Variants in PRIM2 observed in about 807,000 individuals in gnomAD.
PRIM2 encodes DNA primase large subunit.
A neutral mutation model predicts 67.3 loss-of-function variants in PRIM2; 39 were observed. The observed-to-expected ratio is 0.58, with a 90% CI of 0.45 to 0.76. PRIM2 has a LOEUF of 0.76. Ranked by LOEUF, PRIM2 falls within the 30% of genes least tolerant of loss-of-function variation. The pLI, the probability that PRIM2 is intolerant of heterozygous loss-of-function variation, is 0.00. For synonymous variants in PRIM2, 143 were observed against 198.7 expected, an observed-to-expected ratio of 0.72 and a Z score of 2.36; for missense variants, 398 against 598.7, an observed-to-expected ratio of 0.66 and a Z score of 3.50.
chr6:57,364,908 C>T (rs1769308375), intron 5 of PRIM2, among the ~76,000 whole-genome samples: 1 of 151,960 alleles, frequency 6.6e-6, no homozygotes. Flanking sequence ...AGTGTTTTGT[C>T]CATCATTTTT....
At chr6:57,271,625 C>T in the PRIM2 span, among the ~76,000 whole-genome samples, 1 of 152,136 alleles carries the variant, frequency 6.6e-6, no homozygotes, top group Non-Finnish European at 1.5e-5. Context: ...GTCTCTATTT[C>T]CTTCAGTTCT....
At chr6:57,479,612 T>A (rs1398985131) in intron 7 of PRIM2, among the ~76,000 whole-genome samples, 1 of 152,226 alleles carries the variant, frequency 6.6e-6, no homozygotes, top group African/African-American at 2.4e-5. Context: ...AGGTTTGCTC[T>A]CTCTTTCACA....
chr6:57,528,901 C>A (rs1276212310), intron 8 of PRIM2, among the ~76,000 whole-genome samples: 3 of 152,068 alleles, frequency 2.0e-5, no homozygotes, highest in Non-Finnish European at 4.4e-5. Context: ...ATTTGATTTC[C>A]CCAGTATTTC....
intron 7 of PRIM2, among the ~76,000 whole-genome samples, chr6:57,427,895 CCTTATT>C (rs1252678521): frequency 6.6e-6 from 1 of 151,986 alleles, no homozygotes; most frequent in Non-Finnish European, 1.5e-5. Flanking sequence ...TAAATTTGAA[CCTTATT>C]CTTATAAATG....
chr6:57,392,318 A>G (rs543342128), intron 7 of PRIM2, among the ~76,000 whole-genome samples: 1 of 152,300 alleles, frequency 6.6e-6, no homozygotes, highest in South Asian at 2.1e-4. Flanking sequence ...ATCTGCAAAC[A>G]GGGATAGTTT....
At chr6:57,268,520 T>G in the PRIM2 span, among the ~76,000 whole-genome samples, 2 of 152,172 alleles carry the variant, frequency 1.3e-5, no homozygotes, top group Non-Finnish European at 2.9e-5. Flanking sequence ...TTACAATCAA[T>G]ATTTTTTAAT....
intron 13 of PRIM2, among the ~76,000 whole-genome samples, chr6:57,641,067 G>C (rs1350920688): frequency 6.6e-6 from 1 of 151,838 alleles, no homozygotes; most frequent in African/African-American, 2.4e-5. Context: ...CAGAACAGAG[G>C]CCTCAGAAAT....
chr6:57,236,648 G>A, the PRIM2 span, among the ~76,000 whole-genome samples: 1 of 151,814 alleles, frequency 6.6e-6, no homozygotes, highest in African/African-American at 2.4e-5. Context: ...TCCCACCTAT[G>A]AGTGAGAACA....
intron 12 of PRIM2, among the ~76,000 whole-genome samples, chr6:57,627,513 T>C (rs1189114175): frequency 6.6e-6 from 1 of 151,226 alleles, no homozygotes; most frequent in East Asian, 2.0e-4. Flanking sequence ...CTCAGCCTCC[T>C]GAGTAGCTGG....
At chr6:57,297,137 A>T in the PRIM2 span, among the ~76,000 whole-genome samples, 1 of 152,132 alleles carries the variant, frequency 6.6e-6, no homozygotes, top group Non-Finnish European at 1.5e-5. Flanking sequence ...ACAAATAGAG[A>T]AGAAGTGACG....
chr6:57,324,505 T>G (rs972651812), intron 4 of PRIM2, among the ~76,000 whole-genome samples: 7 of 152,208 alleles, frequency 4.6e-5, no homozygotes, highest in Admixed American at 1.3e-4. Context: ...AAACACTTCT[T>G]AAGTTTGTGA....
intron 10 of PRIM2, among the ~76,000 whole-genome samples, chr6:57,567,462 T>C (rs1405074414): frequency 6.6e-6 from 1 of 152,132 alleles, no homozygotes; most frequent in Non-Finnish European, 1.5e-5. Context: ...TTTGGTAGGC[T>C]GGGTGTATTA....
chr6:57,431,897 A>G (rs1306856949), intron 7 of PRIM2, among the ~76,000 whole-genome samples: 86 of 152,250 alleles, frequency 5.6e-4, no homozygotes, highest in African/African-American at 1.9e-3. Context: ...TTATTTCTGT[A>G]TATATTTTGG....
At chr6:57,635,495 C>T (rs1483247009) in intron 13 of PRIM2, among the ~76,000 whole-genome samples, 1 of 152,134 alleles carries the variant, frequency 6.6e-6, no homozygotes, top group African/African-American at 2.4e-5. Flanking sequence ...AATGAAAACA[C>T]TAGGTCATGT....
chr6:57,621,587 T>C (rs1454705553), intron 12 of PRIM2, among the ~76,000 whole-genome samples: 12 of 152,208 alleles, frequency 7.9e-5, no homozygotes, highest in African/African-American at 2.9e-4. Context: ...AAAACTCCAC[T>C]TCTGTATAGC....
chr6:57,532,810 T>C (rs1242045737), intron 9 of PRIM2, among the ~76,000 whole-genome samples: 2 of 152,140 alleles, frequency 1.3e-5, no homozygotes, highest in Non-Finnish European at 1.5e-5. Context: ...CTAAGTGTAT[T>C]AGTTTGTTAG....
At chr6:57,325,591 G>A (rs1381027474) in intron 4 of PRIM2, among the ~76,000 whole-genome samples, 1 of 152,132 alleles carries the variant, frequency 6.6e-6, no homozygotes, top group African/African-American at 2.4e-5. Flanking sequence ...ACGACGCCCA[G>A]CCCCTATTTT....
At chr6:57,496,283 A>G (rs1774002880) in intron 7 of PRIM2, among the ~76,000 whole-genome samples, 1 of 152,202 alleles carries the variant, frequency 6.6e-6, no homozygotes, top group Non-Finnish European at 1.5e-5. Context: ...AAAGTGGTAC[A>G]CTGTTTAGTA....
At chr6:57,231,181 T>G in the PRIM2 span, among the ~76,000 whole-genome samples, 1 of 152,240 alleles carries the variant, frequency 6.6e-6, no homozygotes. Context: ...TGAGAAACAT[T>G]GTCTTTTCCA....
Sources: allele counts gnomAD v4.1 joint callset (sites outside exome capture counted in the v4.1 genomes callset), GRCh38; gene constraint gnomAD v4.1.1; transcripts MANE v1.5; gene names NCBI Gene and HGNC (gene_info 2026-07-23, HGNC 2026-07-21).